Variants in OPCML observed in about 807,000 individuals in gnomAD.
The protein encoded by OPCML is opioid-binding protein/cell adhesion molecule.
A neutral mutation model predicts 37.8 loss-of-function variants in OPCML; 13 were observed. The ratio of observed to expected loss-of-function variants is 0.34; its 90% confidence interval spans 0.22 to 0.55. OPCML has a LOEUF of 0.55. OPCML is among the 20% of genes least tolerant of loss of function. The pLI, the probability that OPCML is intolerant of heterozygous loss-of-function variation, is 0.91. For missense variants in OPCML, 341 were observed against 435.6 expected, an observed-to-expected ratio of 0.78 and a Z score of 1.93; for synonymous variants, 176 against 168.8, an observed-to-expected ratio of 1.04 and a Z score of -0.33.
chr11:132,918,227 A>G (rs1292228968), intron 2 of OPCML, among the ~76,000 whole-genome samples: 2 of 152,204 alleles, frequency 1.3e-5, no homozygotes, highest in African/African-American at 4.8e-5. Context: ...TTTATTGAGG[A>G]ATAACATTCA....
At position 133,178,690 on chromosome 11, in the gene OPCML, G is replaced by C. The variant is rs549163496; in HGVS notation, c.62-235680C>G. Among the ~76,000 whole-genome samples the C allele has an allele frequency of 4.6e-5, 7 of 152,258 alleles. No homozygotes were observed. The South Asian group carries it at 1.5e-3, about 32-fold the overall frequency. ...ATCTGAGTACGCAAACGAGCAGCCA[G>C]ACATGGAGAGGCCAGGGTGCCAGAG... On this transcript the variant is annotated intron_variant, in intron 1 of 7. Transcript: ENST00000524381.
intron 1 of OPCML, among the ~76,000 whole-genome samples, chr11:133,110,303 A>G (rs181378724): frequency 5.3e-5 from 8 of 152,312 alleles, no homozygotes; most frequent in Non-Finnish European, 1.5e-5. Context: ...CTATGGCACT[A>G]TGTTTAAATA....
chr11:132,809,047 G>T lies in OPCML; in HGVS notation c.146+133879C>A, dbSNP rs868227866. Among the ~76,000 whole-genome samples, 71 of 152,082 alleles carry T rather than the reference G, an allele frequency of 4.7e-4. 1 individual carries two copies. The highest frequency in any genetic ancestry group is 1.6e-3 in the African/African-American group (67 of 41,410). The stretch of plus-strand genomic sequence containing the variant: ...TTACCCCACTGACAGCTTCTGGAAG[G>T]CTATACTCCAAGAAATAAGCTGTCT... On this transcript the variant is annotated intron_variant, in intron 2 of 7. Coordinates refer to ENST00000524381, the MANE Select transcript of OPCML (RefSeq NM_001012393.5).
intron 2 of OPCML, among the ~76,000 whole-genome samples, chr11:132,782,622 C>T (rs1489577516): frequency 6.6e-6 from 1 of 151,982 alleles, no homozygotes; most frequent in Non-Finnish European, 1.5e-5. Flanking sequence ...ATATAAATGA[C>T]TTGCCAATTC....
At chr11:133,457,222 G>A (rs922384489) in intron 1 of OPCML, among the ~76,000 whole-genome samples, 5 of 152,072 alleles carry the variant, frequency 3.3e-5, no homozygotes, top group East Asian at 1.9e-4. Context: ...GATGCTAAAC[G>A]TTTTCTTAAA....
intron 1 of OPCML, among the ~76,000 whole-genome samples, chr11:133,270,951 T>C (rs1941810611): frequency 6.6e-6 from 1 of 152,182 alleles, no homozygotes; most frequent in Non-Finnish European, 1.5e-5. Context: ...AAGGCTACTG[T>C]GTCCTCGTTA....
chr11:133,073,624 C>T (rs1197033618), intron 1 of OPCML, among the ~76,000 whole-genome samples: 1 of 152,232 alleles, frequency 6.6e-6, no homozygotes, highest in Non-Finnish European at 1.5e-5. Context: ...GAGTTCTCCA[C>T]GTGCAGACCT....
chr11:133,103,284 A>AGGAAGAATACTTGG (rs1949112559), intron 1 of OPCML, among the ~76,000 whole-genome samples: 1 of 152,222 alleles, frequency 6.6e-6, no homozygotes, highest in Admixed American at 6.5e-5. Flanking sequence ...GGAAACTTAT[A>AGGAAGAATACTTGG]GAGTCTTCTT....
intron 2 of OPCML, among the ~76,000 whole-genome samples, chr11:132,721,281 G>A (rs931944913): frequency 6.6e-6 from 1 of 152,194 alleles, no homozygotes; most frequent in Non-Finnish European, 1.5e-5. Context: ...ATGCTGAGGG[G>A]AGTTGGGAAA....
Position 132,621,725 on chromosome 11 carries a change from G to C in OPCML, c.379+35362C>G, listed in dbSNP as rs56831424. ...GATTACACATATATAAGTTCTCCTT[G>C]CTGTACATATAAGATCTCTGTCCTT... is the stretch of plus-strand genomic sequence containing the variant. On this transcript the variant is annotated intron_variant, in intron 3 of 7. Transcript: ENST00000524381. Among the ~76,000 whole-genome samples, 722 of 152,280 alleles carry C rather than the reference G, an allele frequency of 4.7e-3. 10 individuals are homozygous for C. Among genetic ancestry groups the C allele is most frequent in the African/African-American group, 0.016 (680 of 41,574 alleles).
chr11:133,504,872 A>T (rs979575306), intron 1 of OPCML, among the ~76,000 whole-genome samples: 1 of 152,250 alleles, frequency 6.6e-6, no homozygotes, highest in African/African-American at 2.4e-5. Flanking sequence ...TGATTGTGTT[A>T]AAATAAATAC....
chr11:133,064,338 C>A, intron 1 of OPCML, among the ~76,000 whole-genome samples: 1 of 152,232 alleles, frequency 6.6e-6, no homozygotes, highest in East Asian at 1.9e-4. Context: ...CCGCAACCCG[C>A]CTGGCCGCCT....
intron 4 of OPCML, among the ~76,000 whole-genome samples, chr11:132,467,666 G>T (rs565361397): frequency 6.6e-6 from 1 of 152,146 alleles, no homozygotes; most frequent in Non-Finnish European, 1.5e-5. Flanking sequence ...TACTGAGTGC[G>T]GAAATGAACT....
intron 4 of OPCML, among the ~76,000 whole-genome samples, chr11:132,492,752 C>T (rs1419452842): frequency 8.1e-6 from 1 of 122,806 alleles, no homozygotes; most frequent in Non-Finnish European, 1.8e-5. Flanking sequence ...TATTTATTGT[C>T]TTTCAGCCCT....
chr11:133,190,766 T>C (rs533271694), intron 1 of OPCML, among the ~76,000 whole-genome samples: 1 of 152,328 alleles, frequency 6.6e-6, no homozygotes, highest in Admixed American at 6.5e-5. Context: ...TTCTTTCACT[T>C]GGTATAATGT....
chr11:132,441,355 A>ACCC lies in OPCML; in HGVS notation c.506-3997_506-3996insGGG, dbSNP rs2096034269. On this transcript the variant is annotated intron_variant, in intron 4 of 7. Coordinates refer to ENST00000524381, the MANE Select transcript of OPCML (RefSeq NM_001012393.5). ...GCTAATTTTTTTGTATTTTTAGTAGAGACGGGGTTTCACCGTTTTAGCCGG... is the reference window on the plus strand; with the variant it reads ...GCTAATTTTTTTGTATTTTTAGTAGACCCGACGGGGTTTCACCGTTTTAGCCGG... Among the ~76,000 whole-genome samples the ACCC allele has an allele frequency of 3.3e-5, 5 of 150,680 alleles. No homozygotes were observed. The South Asian group carries it at 1.0e-3, about 32-fold the overall frequency.
At chr11:133,343,108 C>T (rs1360518630) in intron 1 of OPCML, among the ~76,000 whole-genome samples, 1 of 152,150 alleles carries the variant, frequency 6.6e-6, no homozygotes, top group African/African-American at 2.4e-5. Context: ...GGATTACAGG[C>T]ATGAGCCACT....
chr11:133,228,602 C>G (rs966361571), intron 1 of OPCML, among the ~76,000 whole-genome samples: 1 of 152,234 alleles, frequency 6.6e-6, no homozygotes, highest in Non-Finnish European at 1.5e-5. Context: ...GCCGGGCCTC[C>G]CCGTCCTAGA....
intron 2 of OPCML, among the ~76,000 whole-genome samples, chr11:132,794,399 T>C (rs1248107105): frequency 6.6e-6 from 1 of 152,214 alleles, no homozygotes; most frequent in Non-Finnish European, 1.5e-5. Flanking sequence ...TATAAATCAA[T>C]CTATCCAATT....
Sources: gnomAD v4.1 joint callset for allele counts (sites outside exome capture counted in the v4.1 genomes callset) on GRCh38, gnomAD v4.1.1 for gene constraint, MANE v1.5 for transcripts, NCBI Gene and HGNC (gene_info 2026-07-23, HGNC 2026-07-21) for gene names.